ELOA: variants seen among roughly 807,000 people sequenced by gnomAD.
The protein encoded by ELOA is elongin A.
Under a neutral mutation model 85.2 loss-of-function variants are expected in ELOA, and 15 were observed. The ratio of observed to expected loss-of-function variants is 0.18; its 90% CI spans 0.12 to 0.27. The LOEUF is 0.27. ELOA is among the 10% of genes least tolerant of loss of function. The pLI, the probability that ELOA is intolerant of heterozygous loss-of-function variation, is 1.00. For missense variants in ELOA, 769 were observed against 952.7 expected (o/e 0.81, Z 2.54); for synonymous variants, 348 against 357.2 (o/e 0.97, Z 0.29).
chr1:23,759,414 C>A, intron 10 of ELOA, 98 bp from the exon 11 acceptor site: 1 of 1,200,954 alleles, frequency 8.3e-7, no homozygotes, highest in Non-Finnish European at 1.2e-6. Context: ...TGGTGGTGCA[C>A]AGCCAAGAAT....
intron 5 of ELOA, 72 bp downstream of exon 5, chr1:23,752,590 C>T: frequency 2.1e-6 from 3 of 1,439,956 alleles, no homozygotes; most frequent in Admixed American, 2.0e-5. Context: ...GGTACAGTGG[C>T]TCACACCTAT....
intron 5 of ELOA, 57 bp downstream of exon 5, chr1:23,752,575 G>A (rs1326864067): frequency 2.0e-5 from 30 of 1,527,042 alleles, no homozygotes; most frequent in Non-Finnish European, 2.4e-5. Flanking sequence ...ATTCATTCAA[G>A]GCAGGGTACA....
chr1:23,759,691 C>A lies in ELOA; in HGVS notation c.*118C>A. ...TTGCTTTGTGGATCCTTTTGGTCTC[C>A]GAGTCCTGCAGTCTGCAGGTGCTGC... is the stretch of plus-strand genomic sequence containing the variant. On this transcript the variant is annotated 3_prime_UTR_variant, in exon 11 of 11. Coordinates refer to ENST00000613537, the MANE Select transcript of ELOA (RefSeq NM_003198.3). 1.6e-6 allele frequency: 2 copies of A among 1,224,622 alleles called. No individual in the cohort carries two copies. Among genetic ancestry groups the A allele is most frequent in the South Asian group, 2.6e-5 (2 of 76,970 alleles). The allele number at this position is 1,224,622 out of a possible 1,614,324, so 75.9% of individuals were successfully genotyped here. A position where few individuals can be genotyped will look rare whatever the true frequency, so the allele number is the denominator to read the frequency against.
At position 23,759,599 on chromosome 1, in the gene ELOA, A is replaced by C. The variant is rs369543225; in HGVS notation, c.*26A>C. ...ACTGAGGACTTGCCTTGGAAATGGAATCTGGGGAGGCAGGAATACAAGGAC... is the reference window on the plus strand; with the variant it reads ...ACTGAGGACTTGCCTTGGAAATGGACTCTGGGGAGGCAGGAATACAAGGAC... On this transcript the variant is annotated 3_prime_UTR_variant, in exon 11 of 11. Coordinates refer to ENST00000613537, the MANE Select transcript of ELOA (RefSeq NM_003198.3). The C allele has an allele frequency of 6.2e-7, 1 of 1,612,582 alleles. No individual in the cohort carries two copies. The highest frequency in any genetic ancestry group is 1.3e-5 in the African/African-American group (1 of 74,876).
chr1:23,750,895 G>A lies in ELOA; in HGVS notation c.290G>A (p.Arg97His), dbSNP rs566963884. 16 of 1,608,106 alleles carry A rather than the reference G, an allele frequency of 9.9e-6. No individual in the cohort carries two copies. The highest frequency in any genetic ancestry group is 8.9e-5 in the East Asian group (4 of 44,868). ...TTTGAGAAGAGCAATTCCCGAAAGC[G>A]CCCTCGGGATGCCCTGCAGAAGGAG... Reference protein sequence around the residue: ...QDFEKSNSRKRPRDALQKEEE... With the variant: ...QDFEKSNSRKHPRDALQKEEE... Residue 97 changes from arginine to histidine, a missense_variant, in exon 4 of 11, where the codon CGC becomes CAC. Transcript: ENST00000613537.
At position 23,745,512 on chromosome 1, in the gene ELOA, AT is replaced by A. The variant is rs780220676; in HGVS notation, c.75+1949del. Among the ~76,000 whole-genome samples the A allele has an allele frequency of 5.8e-3, 833 of 142,654 alleles. 4 individuals are homozygous for A. Among genetic ancestry groups the A allele is most frequent in the Admixed American group, 8.5e-3 (121 of 14,228 alleles). The allele number at this position is 142,654 out of a possible 152,430, so 93.6% of individuals were successfully genotyped here. On this transcript the variant is annotated intron_variant, in intron 1 of 10. Transcript: ENST00000613537. ...CCTCAACCTAGTTGAACTATTAATG[AT>A]TTTTTTTTTTTTTTGAGGATTTGGG...
At position 23,751,580 on chromosome 1, in the gene ELOA, G is replaced by A; in HGVS notation, c.975G>A (p.Leu325=). The part of the protein sequence containing the change: ...PPSEAASDNH[L]KKPKHRDPEK... ...CAGAGGCCGCTTCAGACAACCACCTGAAAAAGCCAAAGCACAGAGACCCAG... is the reference window on the plus strand; with the variant it reads ...CAGAGGCCGCTTCAGACAACCACCTAAAAAAGCCAAAGCACAGAGACCCAG... The change falls in exon 4 of 11, where the codon CTG becomes CTA. Residue 325 remains leucine, a synonymous_variant. Coordinates refer to ENST00000613537, the MANE Select transcript of ELOA (RefSeq NM_003198.3). The A allele has an allele frequency of 6.2e-7, 1 of 1,614,160 alleles. No homozygotes were observed. Among genetic ancestry groups the A allele is most frequent in the East Asian group, 2.2e-5 (1 of 44,886 alleles).
intron 9 of ELOA, 103 bp downstream of exon 9, chr1:23,756,488 A>C: frequency 9.9e-7 from 1 of 1,005,974 alleles, no homozygotes. Flanking sequence ...GGCAGTGCAG[A>C]CTGTGGGCTC....
chr1:23,752,497 T>C lies in ELOA; in HGVS notation c.1516T>C (p.Ser506Pro). Reference sequence around the variant, plus strand: ...ACTGCCTTCCCTCGAGCTGATATCCTCCTTCCAGCCAAAGCGAAAAGGTAA... The same window carrying C: ...ACTGCCTTCCCTCGAGCTGATATCCCCCTTCCAGCCAAAGCGAAAAGGTAA... ...RPLPSLELIS[S>P]FQPKRKAFSS... is the part of the protein sequence containing the mutation. Residue 506 changes from serine to proline, a missense_variant, in exon 5 of 11, where the codon TCC becomes CCC. Around this residue, in one of 4 missense-constraint regions of ELOA, gnomAD observed 193 missense variants for 278.9 expected, o/e 0.69. Coordinates refer to ENST00000613537, the MANE Select transcript of ELOA (RefSeq NM_003198.3). 6.2e-7 allele frequency: 1 copy of C among 1,614,048 alleles called. No homozygotes were observed. Among genetic ancestry groups the C allele is most frequent in the Non-Finnish European group, 8.5e-7 (1 of 1,179,944 alleles).
Position 23,761,093 on chromosome 1 carries a change from T to C in ELOA, c.*1520T>C, listed in dbSNP as rs1424308469. The C allele has an allele frequency of 2.0e-5, 3 of 152,114 alleles. No individual in the cohort carries two copies. The highest frequency in any genetic ancestry group is 4.8e-5 in the African/African-American group (2 of 41,414). 9.4% of individuals were successfully genotyped at this position (152,114 alleles called of 1,614,324 possible). On this transcript the variant is annotated 3_prime_UTR_variant, in exon 11 of 11. Transcript: ENST00000613537. ...GCCAACTTCGAATTCCAGAGCAACG[T>C]AGGAAGTCTATTCAGCAGAAACTCG... is the stretch of plus-strand genomic sequence containing the variant.
intron 10 of ELOA, among the ~76,000 whole-genome samples, chr1:23,757,766 G>A (rs1187121822): frequency 6.6e-6 from 1 of 151,714 alleles, no homozygotes; most frequent in Non-Finnish European, 1.5e-5. Flanking sequence ...CCCAAGTGCT[G>A]GGATTACAGG....
At chr1:23,754,058 A>G (rs773477830) in intron 5 of ELOA, 42 bp from the exon 6 acceptor site, 25 of 1,604,678 alleles carry the variant, frequency 1.6e-5, no homozygotes, top group Non-Finnish European at 2.0e-5. Context: ...GAGAGTTTTC[A>G]CTGGATCACT....
chr1:23,761,215 ATTACT>A lies in ELOA; in HGVS notation c.*1649_*1653del, dbSNP rs1638289660. ...TGCTATATTTTTGAATGGGTAAAGC[ATTACT>A]TTACTTCTCTTGGTTACTTGTACCA... On this transcript the variant is annotated 3_prime_UTR_variant, in exon 11 of 11. Transcript: ENST00000613537. 1 of 152,286 alleles carries A rather than the reference ATTACT, an allele frequency of 6.6e-6. No individual in the cohort carries two copies. The highest frequency in any genetic ancestry group is 2.4e-5 in the African/African-American group (1 of 41,556). 9.4% of individuals were successfully genotyped at this position (152,286 alleles called of 1,614,324 possible).
At chr1:23,756,530 C>G in intron 9 of ELOA, 145 bp downstream of exon 9, 1 of 664,672 alleles carries the variant, frequency 1.5e-6, no homozygotes, top group South Asian at 1.9e-5. Context: ...CAGCACTTCC[C>G]TCACCTCCCT....
At chr1:23,749,196 G>T (rs1481435585) in intron 2 of ELOA, 119 bp downstream of exon 2, 2 of 834,382 alleles carry the variant, frequency 2.4e-6, no homozygotes, top group Non-Finnish European at 3.9e-6. Flanking sequence ...AGACACAAAA[G>T]GCCATATATT....
chr1:23,743,789 C>A (rs867933699), intron 1 of ELOA, among the ~76,000 whole-genome samples: 2 of 152,228 alleles, frequency 1.3e-5, no homozygotes, highest in South Asian at 4.1e-4. Flanking sequence ...GCCGCTCCCC[C>A]TCCCTCACGG....
chr1:23,755,807 G>C, intron 7 of ELOA, 36 bp from the exon 8 acceptor site: 8 of 1,533,836 alleles, frequency 5.2e-6, no homozygotes, highest in Non-Finnish European at 7.0e-6. Flanking sequence ...ATGGAAAAGT[G>C]CTTGTACACA....
Position 23,749,513 on chromosome 1 carries a change from G to A in ELOA, c.133-329G>A, listed in dbSNP as rs529916760. Among the ~76,000 whole-genome samples, 3 of 152,240 alleles carry A rather than the reference G, an allele frequency of 2.0e-5. No individual in the cohort carries two copies. In the South Asian group the frequency reaches 6.2e-4, roughly 32 times the overall value. On this transcript the variant is annotated intron_variant, in intron 2 of 10. Coordinates refer to ENST00000613537, the MANE Select transcript of ELOA (RefSeq NM_003198.3). Reference sequence around the variant, plus strand: ...TCAAATCTGAGTTCTATGACTTTAGGCTGTTCCTATGTAAAATGGGTCTGA... The same window carrying A: ...TCAAATCTGAGTTCTATGACTTTAGACTGTTCCTATGTAAAATGGGTCTGA...
chr1:23,760,887 G>A lies in ELOA; in HGVS notation c.*1314G>A, dbSNP rs1442587158. On this transcript the variant is annotated 3_prime_UTR_variant, in exon 11 of 11. Transcript: ENST00000613537. ...CCCTTGTTGGCTGTCAAGGAACACCGATCTAGTAGAAACCCACTTGGTTGT... is the reference window on the plus strand; with the variant it reads ...CCCTTGTTGGCTGTCAAGGAACACCAATCTAGTAGAAACCCACTTGGTTGT... The A allele has an allele frequency of 2.6e-5, 4 of 152,124 alleles. No homozygotes were observed. Among genetic ancestry groups the A allele is most frequent in the African/African-American group, 4.8e-5 (2 of 41,428 alleles). 9.4% of individuals were successfully genotyped at this position (152,124 alleles called of 1,614,324 possible).
Sources: gnomAD v4.1 joint callset for allele counts (sites outside exome capture counted in the v4.1 genomes callset) on GRCh38, gnomAD v4.1.1 for gene constraint, gnomAD v4.1.1 regional missense constraint, MANE v1.5 for transcripts, NCBI Gene and HGNC (gene_info 2026-07-23, HGNC 2026-07-21) for gene names.